BACH2: variants seen among roughly 807,000 people sequenced by gnomAD.
BACH2 encodes the protein transcription regulator protein BACH2.
Under a neutral mutation model 61.8 loss-of-function variants are expected in BACH2, and 5 were observed. That is an observed-to-expected ratio of 0.08 (90% CI 0.04 to 0.17). The LOEUF (loss-of-function observed/expected upper bound fraction) is 0.17. Among genes scored for constraint, BACH2 ranks in the 10% least tolerant of loss-of-function variants. The probability of loss-of-function intolerance (pLI) is 1.00; values close to 1 mark genes in which losing one functional copy is unlikely to be tolerated. For synonymous variants in BACH2, 446 were observed against 440.1 expected (o/e 1.01, Z -0.17); for missense variants, 824 against 1,091.1 (o/e 0.76, Z 3.45).
At chr6:90,106,865 A>G (rs1340393359) in intron 4 of BACH2, among the ~76,000 whole-genome samples, 1 of 152,200 alleles carries the variant, frequency 6.6e-6, no homozygotes, top group African/African-American at 2.4e-5. Context: ...GGTTTGCCCT[A>G]CAGGGCAACC....
chr6:90,021,078 C>T (rs571806273), intron 5 of BACH2, among the ~76,000 whole-genome samples: 9 of 152,104 alleles, frequency 5.9e-5, no homozygotes, highest in Non-Finnish European at 1.2e-4. Context: ...ATCATCTCAT[C>T]ATATGGTTCA....
chr6:90,259,822 G>A (rs1292132978), intron 2 of BACH2, among the ~76,000 whole-genome samples: 2 of 151,880 alleles, frequency 1.3e-5, no homozygotes, highest in Admixed American at 6.6e-5. Context: ...GAATTTATCT[G>A]TTTCCTCTAG....
At chr6:90,102,334 A>G (rs907015679) in intron 4 of BACH2, among the ~76,000 whole-genome samples, 3 of 152,172 alleles carry the variant, frequency 2.0e-5, no homozygotes, top group Admixed American at 6.5e-5. Context: ...GGTATTATAA[A>G]AAGAGGTCAG....
At chr6:90,212,201 A>C (rs981128614) in intron 3 of BACH2, among the ~76,000 whole-genome samples, 1 of 147,508 alleles carries the variant, frequency 6.8e-6, no homozygotes, top group Non-Finnish European at 1.5e-5. Context: ...AACTGAAAAA[A>C]TATAAGGTCA....
At chr6:90,251,743 T>A (rs1404790479) in intron 3 of BACH2, among the ~76,000 whole-genome samples, 1 of 152,208 alleles carries the variant, frequency 6.6e-6, no homozygotes. Flanking sequence ...AGGATGGAAG[T>A]AAAAGCTTCT....
intron 4 of BACH2, among the ~76,000 whole-genome samples, chr6:90,093,116 A>G (rs1782241263): frequency 6.6e-6 from 1 of 152,234 alleles, no homozygotes; most frequent in Non-Finnish European, 1.5e-5. Context: ...GAAATACCGA[A>G]GAAACTTAGG....
chr6:90,155,558 A>G (rs1287767820), intron 4 of BACH2, among the ~76,000 whole-genome samples: 1 of 152,182 alleles, frequency 6.6e-6, no homozygotes. Context: ...GAGATGATTC[A>G]TTTGCAATAG....
intron 3 of BACH2, among the ~76,000 whole-genome samples, chr6:90,212,856 C>T (rs940762885): frequency 1.3e-5 from 2 of 152,104 alleles, no homozygotes; most frequent in Non-Finnish European, 2.9e-5. Flanking sequence ...CCAGGAAGGG[C>T]CAAGAGTGAC....
chr6:90,068,561 C>T (rs1781072933), intron 5 of BACH2, among the ~76,000 whole-genome samples: 1 of 152,040 alleles, frequency 6.6e-6, no homozygotes, highest in Non-Finnish European at 1.5e-5. Context: ...AGTCAAGAGC[C>T]ATGCTCTTTC....
At chr6:90,239,509 G>T (rs1770366163) in intron 3 of BACH2, among the ~76,000 whole-genome samples, 1 of 152,124 alleles carries the variant, frequency 6.6e-6, no homozygotes, top group Admixed American at 6.5e-5. Flanking sequence ...AACATTAAAA[G>T]AACATAGCCA....
chr6:90,215,903 C>T (rs971899077), intron 3 of BACH2, among the ~76,000 whole-genome samples: 4 of 152,172 alleles, frequency 2.6e-5, no homozygotes, highest in African/African-American at 9.7e-5. Flanking sequence ...CACCTTCCTT[C>T]CCAAGGCTGC....
At chr6:90,027,052 C>T (rs1033632995) in intron 5 of BACH2, among the ~76,000 whole-genome samples, 4 of 152,110 alleles carry the variant, frequency 2.6e-5, no homozygotes, top group African/African-American at 9.7e-5. Flanking sequence ...ACACCTGAAA[C>T]CCACTCCTGT....
intron 4 of BACH2, among the ~76,000 whole-genome samples, chr6:90,206,257 T>C (rs2127849418): frequency 6.6e-6 from 1 of 152,250 alleles, no homozygotes; most frequent in Admixed American, 6.5e-5. Flanking sequence ...AAAAGTGATA[T>C]TTAGTCCCAG....
Position 90,269,759 on chromosome 6 carries a change from T to C in BACH2, c.-353+2090A>G, listed in dbSNP as rs180844160. 8.0e-4 allele frequency among the ~76,000 whole-genome samples: 122 copies of C among 152,346 alleles called. 2 individuals are homozygous for C. In the East Asian group the frequency reaches 0.02, roughly 25 times the overall value. The stretch of plus-strand genomic sequence containing the variant: ...TGTTTGGATTCCTTATAACAATCAG[T>C]GTGTTCATAAGATGCTTAGAAATAC... On this transcript the variant is annotated intron_variant, in intron 2 of 8. Transcript: ENST00000257749.
At position 90,211,126 on chromosome 6, in the gene BACH2, C is replaced by CAAAAAAAAAA. The variant is rs3072672; in HGVS notation, c.-274-4455_-274-4446dup. ...TGGGTGACAGAGGGAGACTCCATCT[C>CAAAAAAAAAA]AAAAAAAAAAAAAAAAAAAAAAAGG... On this transcript the variant is annotated intron_variant, in intron 3 of 8. Transcript: ENST00000257749. Among the ~76,000 whole-genome samples, 17 of 45,346 alleles carry CAAAAAAAAAA rather than the reference C, an allele frequency of 3.7e-4. 2 individuals are homozygous for CAAAAAAAAAA. The highest frequency in any genetic ancestry group is 1.4e-3 in the African/African-American group (14 of 10,364). 29.7% of individuals were successfully genotyped at this position (45,346 alleles called of 152,430 possible). A position where few individuals can be genotyped will look rare whatever the true frequency, so the allele number is the denominator to read the frequency against.
intron 4 of BACH2, among the ~76,000 whole-genome samples, chr6:90,198,759 T>A (rs1768854450): frequency 6.6e-6 from 1 of 152,132 alleles, no homozygotes; most frequent in African/African-American, 2.4e-5. Flanking sequence ...AAGGTTCAGA[T>A]TTTCAGCATA....
intron 4 of BACH2, among the ~76,000 whole-genome samples, chr6:90,185,315 A>G (rs1768317771): frequency 6.6e-6 from 1 of 152,212 alleles, no homozygotes; most frequent in Non-Finnish European, 1.5e-5. Flanking sequence ...GGGGACCGAA[A>G]GCTGGATTCT....
chr6:90,295,986 G>A (rs528461622), intron 1 of BACH2, among the ~76,000 whole-genome samples: 2 of 152,214 alleles, frequency 1.3e-5, no homozygotes, highest in African/African-American at 4.8e-5. Context: ...CGCACGCCGA[G>A]GGTTAAGGAG....
intron 6 of BACH2, among the ~76,000 whole-genome samples, chr6:89,976,036 A>G (rs1775631634): frequency 6.6e-6 from 1 of 152,208 alleles, no homozygotes; most frequent in African/African-American, 2.4e-5. Context: ...GAACCACAAG[A>G]GCTAGGAAAT....
Sources: allele counts gnomAD v4.1 joint callset (sites outside exome capture counted in the v4.1 genomes callset), GRCh38; gene constraint gnomAD v4.1.1; transcripts MANE v1.5; gene names NCBI Gene and HGNC (gene_info 2026-07-23, HGNC 2026-07-21).